DOCK1: variants seen among roughly 807,000 people sequenced by gnomAD.
The protein encoded by DOCK1 is dedicator of cytokinesis 1.
DOCK1 carries 138 observed loss-of-function variants against 262.7 expected under a neutral mutation model. The observed-to-expected ratio is 0.53, with a 90% CI of 0.46 to 0.61. The LOEUF (loss-of-function observed/expected upper bound fraction) is 0.61, where lower values mean the gene tolerates loss of function less well. DOCK1 is among the 20% of genes least tolerant of loss of function. The pLI, the probability that DOCK1 is intolerant of heterozygous loss-of-function variation, is 0.00. For synonymous variants in DOCK1, 866 were observed against 867.4 expected (o/e 1.00, Z 0.03); for missense variants, 1,908 against 2,370.7 (o/e 0.80, Z 4.05).
intron 27 of DOCK1, among the ~76,000 whole-genome samples, chr10:127,163,935 G>T (rs1293757214): frequency 6.6e-6 from 1 of 151,392 alleles, no homozygotes; most frequent in East Asian, 2.0e-4. Context: ...CTCCCCAGAT[G>T]TGGTGACACT....
At chr10:127,090,579 C>T (rs1399426468) in intron 23 of DOCK1, among the ~76,000 whole-genome samples, 1 of 152,022 alleles carries the variant, frequency 6.6e-6, no homozygotes, top group Non-Finnish European at 1.5e-5. Context: ...GGTACATTTA[C>T]AGTACATCAC....
chr10:127,353,898 C>CCTT (rs1168924308), intron 31 of DOCK1, among the ~76,000 whole-genome samples: 3 of 152,214 alleles, frequency 2.0e-5, no homozygotes, highest in African/African-American at 7.2e-5. Context: ...TCAGTGCTTT[C>CCTT]CTTCTCACAT....
At chr10:127,227,102 G>T (rs1002029662) in intron 27 of DOCK1, among the ~76,000 whole-genome samples, 11 of 152,300 alleles carry the variant, frequency 7.2e-5, no homozygotes, top group African/African-American at 2.6e-4. Flanking sequence ...GAATCTCGTT[G>T]AAGTCCAGTT....
chr10:127,006,324 C>A (rs1565055069), intron 10 of DOCK1, among the ~76,000 whole-genome samples: 3 of 152,218 alleles, frequency 2.0e-5, no homozygotes, highest in Admixed American at 2.0e-4. Context: ...ACGCCACTGC[C>A]TCCTTCCTTC....
At position 127,374,462 on chromosome 10, in the gene DOCK1, C is replaced by G. The variant is rs552613255; in HGVS notation, c.3675+248C>G. Among the ~76,000 whole-genome samples, 4 of 152,298 alleles carry G rather than the reference C, an allele frequency of 2.6e-5. No individual in the cohort carries two copies. In the South Asian group the frequency reaches 8.3e-4, roughly 32 times the overall value. On this transcript the variant is annotated intron_variant, in intron 35 of 51. Coordinates refer to ENST00000623213, the MANE Select transcript of DOCK1 (RefSeq NM_001290223.2). ...CTCCTTGTCGTTGTGAATGATGACT[C>G]ACCGTATCTTGCAGCCAGGGTAGTG...
Position 127,008,824 on chromosome 10 carries a change from A to T in DOCK1, c.1058+20A>T, listed in dbSNP as rs1227866539. The T allele has an allele frequency of 6.3e-7, 1 of 1,577,318 alleles. No individual in the cohort carries two copies. ...TCAGCCGTAAGTATGGAGCAATTCAAGTACTTAGCCAGATATAATGTGGAA... is the reference window on the plus strand; with the variant it reads ...TCAGCCGTAAGTATGGAGCAATTCATGTACTTAGCCAGATATAATGTGGAA... On this transcript the variant is annotated intron_variant, in intron 11 of 51. Coordinates refer to ENST00000623213, the MANE Select transcript of DOCK1 (RefSeq NM_001290223.2).
At chr10:127,174,478 C>T (rs1479864116) in intron 27 of DOCK1, among the ~76,000 whole-genome samples, 2 of 152,172 alleles carry the variant, frequency 1.3e-5, no homozygotes, top group Non-Finnish European at 2.9e-5. Context: ...GATGCTGCTG[C>T]ACAGTTTAAA....
intron 29 of DOCK1, among the ~76,000 whole-genome samples, chr10:127,264,058 G>T (rs974523293): frequency 1.3e-5 from 2 of 152,166 alleles, no homozygotes; most frequent in Non-Finnish European, 2.9e-5. Flanking sequence ...GTGGGTGAGA[G>T]AGAGGCCAGT....
chr10:127,127,564 T>C, intron 26 of DOCK1, 105 bp from the exon 27 acceptor site: 1 of 826,292 alleles, frequency 1.2e-6, no homozygotes, highest in Non-Finnish European at 1.9e-6. Flanking sequence ...TTAAGGGTTA[T>C]AATTGATTTA....
chr10:127,081,496 A>T (rs955686768), intron 23 of DOCK1, among the ~76,000 whole-genome samples: 4 of 151,814 alleles, frequency 2.6e-5, no homozygotes, highest in African/African-American at 7.3e-5. Flanking sequence ...CCCTCCTTAC[A>T]TGAAATCCAA....
At chr10:127,114,759 C>T (rs867791731) in intron 25 of DOCK1, among the ~76,000 whole-genome samples, 19 of 108,298 alleles carry the variant, frequency 1.8e-4, no homozygotes, top group African/African-American at 6.0e-4. Flanking sequence ...TTTTTTCTTT[C>T]TTTTTTTTTT....
At chr10:127,201,055 A>G (rs137864237) in intron 27 of DOCK1, among the ~76,000 whole-genome samples, 19 of 152,330 alleles carry the variant, frequency 1.2e-4, no homozygotes, top group Non-Finnish European at 1.5e-4. Flanking sequence ...TACGAGGGAA[A>G]AGTAACTCAT....
At chr10:127,393,340 C>T (rs774337505) in intron 38 of DOCK1, among the ~76,000 whole-genome samples, 9 of 152,182 alleles carry the variant, frequency 5.9e-5, no homozygotes, top group Non-Finnish European at 1.0e-4. Flanking sequence ...CAGCCTGTCT[C>T]CTCGTGGCCC....
intron 1 of DOCK1, among the ~76,000 whole-genome samples, chr10:126,913,878 T>A (rs1280979506): frequency 6.6e-6 from 1 of 152,226 alleles, no homozygotes; most frequent in East Asian, 1.9e-4. Flanking sequence ...TTATTAGGCA[T>A]GTCACCTTGG....
At position 127,157,273 on chromosome 10, in the gene DOCK1, C is replaced by T. The variant is rs966871545; in HGVS notation, c.2847+29509C>T. ...GATGTTGCAAACACAAAGACCGTCA[C>T]GTGTTAACATCCTGCAGTGGGAATG... On this transcript the variant is annotated intron_variant, in intron 27 of 51. Coordinates refer to ENST00000623213, the MANE Select transcript of DOCK1 (RefSeq NM_001290223.2). Among the ~76,000 whole-genome samples, 24 of 152,250 alleles carry T rather than the reference C, an allele frequency of 1.6e-4. 1 individual carries two copies. Among genetic ancestry groups the T allele is most frequent in the African/African-American group, 2.4e-4 (10 of 41,548 alleles).
chr10:127,044,962 C>T (rs559661435), intron 21 of DOCK1, among the ~76,000 whole-genome samples: 25 of 151,992 alleles, frequency 1.6e-4, no homozygotes, highest in African/African-American at 5.1e-4. Context: ...TTTGGAAGGC[C>T]GAGGTGGGTG....
chr10:127,309,693 G>C (rs934261043), intron 29 of DOCK1, among the ~76,000 whole-genome samples: 1 of 152,164 alleles, frequency 6.6e-6, no homozygotes, highest in African/African-American at 2.4e-5. Context: ...TTATTAAATA[G>C]GGAATGCTTT....
chr10:127,138,122 A>G (rs2050863118), intron 27 of DOCK1: 4 of 993,894 alleles, frequency 4.0e-6, no homozygotes, highest in Non-Finnish European at 5.9e-6. Context: ...TGTGTTTGTA[A>G]TGTAATTTTA....
chr10:127,062,811 T>G (rs2135837375), intron 23 of DOCK1, among the ~76,000 whole-genome samples: 1 of 152,340 alleles, frequency 6.6e-6, no homozygotes, highest in South Asian at 2.1e-4. Flanking sequence ...CTGGAAAGGG[T>G]GGTGAACCTT....
Sources: gnomAD v4.1 joint callset for allele counts (sites outside exome capture counted in the v4.1 genomes callset) on GRCh38, gnomAD v4.1.1 for gene constraint, MANE v1.5 for transcripts, NCBI Gene and HGNC (gene_info 2026-07-23, HGNC 2026-07-21) for gene names.